The following ATXN10 variants were observed in gnomAD, a reference collection of about 807,000 sequenced individuals.
ATXN10 encodes the protein ataxin 10, also known as ataxin-10.
Under a neutral mutation model 52.9 loss-of-function variants are expected in ATXN10, and 28 were observed. The observed-to-expected ratio is 0.53, with a 90% CI of 0.39 to 0.73. ATXN10 has a LOEUF of 0.73. Ranked by LOEUF, ATXN10 falls within the 30% of genes least tolerant of loss-of-function variation. The pLI, the probability that ATXN10 is intolerant of heterozygous loss-of-function variation, is 0.00. For missense variants in ATXN10, 565 were observed against 577.0 expected, an observed-to-expected ratio of 0.98 and a Z score of 0.21; for synonymous variants, 226 against 221.5, an observed-to-expected ratio of 1.02 and a Z score of -0.18.
intron 7 of ATXN10, chr22:45,738,502 A>G (rs959208349): frequency 4.0e-6 from 2 of 503,440 alleles, no homozygotes; most frequent in African/African-American, 1.9e-5. Flanking sequence ...ATAATGACAC[A>G]TAATCTTGCA....
rs1219365263 is a variant in ATXN10 at position 45,824,832 on chromosome 22, A to G, written c.1237+17810A>G. ...TAAAGACCTTGTAACAACAACAGTA[A>G]TAACAGATTTGTGTGGGAGAGGGTT... On this transcript the variant is annotated intron_variant, in intron 10 of 11. Coordinates refer to ENST00000252934, the MANE Select transcript of ATXN10 (RefSeq NM_013236.4). This position sits in a 1 kb window ranked among gnomAD's most constrained non-coding sequence, Gnocchi z 5.2. 6.6e-6 allele frequency among the ~76,000 whole-genome samples: 1 copy of G among 152,230 alleles called. No homozygotes were observed. Among genetic ancestry groups the G allele is most frequent in the East Asian group, 1.9e-4 (1 of 5,204 alleles).
intron 10 of ATXN10, among the ~76,000 whole-genome samples, chr22:45,831,964 C>T (rs1416998201): frequency 6.6e-6 from 1 of 152,220 alleles, no homozygotes; most frequent in African/African-American, 2.4e-5. Context: ...CTGTACCCAC[C>T]ACCTGTCCAA....
In ATXN10 at chr22:45,786,974, C is replaced by T. The variant is rs1480624285; in HGVS notation, c.1174-19985C>T. Among the ~76,000 whole-genome samples, 2 of 152,114 alleles carry T rather than the reference C, an allele frequency of 1.3e-5. No homozygotes were observed. Among genetic ancestry groups the T allele is most frequent in the Non-Finnish European group, 2.9e-5 (2 of 68,034 alleles). On this transcript the variant is annotated intron_variant, in intron 9 of 11. Coordinates refer to ENST00000252934, the MANE Select transcript of ATXN10 (RefSeq NM_013236.4). The surrounding 1 kb of genome is among the most constrained non-coding windows in gnomAD (Gnocchi z 4.1). ...AAAAAAAATTGTCTATATGGATGCT[C>T]ATTGCATTGTTGGTGAAAATTTAGT... is the stretch of plus-strand genomic sequence containing the variant.
At position 45,826,186 on chromosome 22, in the gene ATXN10, C is replaced by T. The variant is rs761143834; in HGVS notation, c.1238-16805C>T. Among the ~76,000 whole-genome samples, 24 of 152,166 alleles carry T rather than the reference C, an allele frequency of 1.6e-4. No individual in the cohort carries two copies. Among genetic ancestry groups the T allele is most frequent in the Non-Finnish European group, 2.9e-4 (20 of 68,024 alleles). On this transcript the variant is annotated intron_variant, in intron 10 of 11. Transcript: ENST00000252934. This position sits in a 1 kb window ranked among gnomAD's most constrained non-coding sequence, Gnocchi z 5.0. Reference sequence around the variant, plus strand: ...AAGTACAATACCTGAAATAAATTTACTAGAAGGATTCGAAGACAGATTTGA... The same window carrying T: ...AAGTACAATACCTGAAATAAATTTATTAGAAGGATTCGAAGACAGATTTGA...
rs73889607 is a variant in ATXN10 at position 45,757,759 on chromosome 22, T to C, written c.1173+17221T>C. 9.0e-3 allele frequency among the ~76,000 whole-genome samples: 1,370 copies of C among 152,342 alleles called. 31 individuals are homozygous for C. Among genetic ancestry groups the C allele is most frequent in the African/African-American group, 0.032 (1,312 of 41,574 alleles). On this transcript the variant is annotated intron_variant, in intron 9 of 11. Transcript: ENST00000252934. This position sits in a 1 kb window ranked among gnomAD's most constrained non-coding sequence, Gnocchi z 4.6. ...TTTATTAAAAATGTGATTAGAGTTA[T>C]ATTCATTCATGTTTGATTCTCTTTT...
intron 5 of ATXN10, among the ~76,000 whole-genome samples, chr22:45,710,127 A>G (rs1433800172): frequency 6.6e-6 from 1 of 152,228 alleles, no homozygotes; most frequent in Non-Finnish European, 1.5e-5. Flanking sequence ...CCTTGCTTAA[A>G]TAAACCATTC....
intron 9 of ATXN10, among the ~76,000 whole-genome samples, chr22:45,798,423 G>C (rs932903515): frequency 2.6e-5 from 4 of 152,088 alleles, no homozygotes; most frequent in African/African-American, 9.7e-5. Flanking sequence ...ATAAGAGGGA[G>C]GAAACAATAT....
rs1343086579 is a variant in ATXN10 at position 45,841,098 on chromosome 22, G to T, written c.1238-1893G>T. 3.3e-5 allele frequency among the ~76,000 whole-genome samples: 5 copies of T among 152,194 alleles called. No individual in the cohort carries two copies. Among genetic ancestry groups the T allele is most frequent in the Non-Finnish European group, 7.3e-5 (5 of 68,034 alleles). On this transcript the variant is annotated intron_variant, in intron 10 of 11. Coordinates refer to ENST00000252934, the MANE Select transcript of ATXN10 (RefSeq NM_013236.4). This position sits in a 1 kb window ranked among gnomAD's most constrained non-coding sequence, Gnocchi z 5.1. The stretch of plus-strand genomic sequence containing the variant: ...TTCTCTATACTGGCACAAAGTGGGG[G>T]TTCAGTGATCATGGAAAAGAGGCGG...
chr22:45,792,376 A>T (rs1927544030), intron 9 of ATXN10: 1 of 152,406 alleles, frequency 6.6e-6, no homozygotes, highest in African/African-American at 2.4e-5. Flanking sequence ...AACTGGTCTT[A>T]CCAAAAAGTT....
intron 3 of ATXN10, among the ~76,000 whole-genome samples, chr22:45,699,672 A>G (rs1569027775): frequency 6.6e-6 from 1 of 151,146 alleles, no homozygotes; most frequent in Non-Finnish European, 1.5e-5. Context: ...TTGTGTTTTC[A>G]GTAGTGACGG....
Position 45,787,884 on chromosome 22 carries a change from C to T in ATXN10, c.1174-19075C>T, listed in dbSNP as rs895430399. Among the ~76,000 whole-genome samples, 3 of 152,116 alleles carry T rather than the reference C, an allele frequency of 2.0e-5. No individual in the cohort carries two copies. The highest frequency in any genetic ancestry group is 7.2e-5 in the African/African-American group (3 of 41,430). On this transcript the variant is annotated intron_variant, in intron 9 of 11. Transcript: ENST00000252934. This position sits in a 1 kb window ranked among gnomAD's most constrained non-coding sequence, Gnocchi z 4.2. ...GTTACTGATGATCTTTTTCCAGGAA[C>T]AAAAATATTCATATCATTTACAAAT...
chr22:45,806,046 G>A (rs764304121), intron 9 of ATXN10, among the ~76,000 whole-genome samples: 2 of 152,178 alleles, frequency 1.3e-5, no homozygotes, highest in Non-Finnish European at 2.9e-5. Context: ...GAATAACCTT[G>A]TGTCACACAT....
chr22:45,810,971 A>T (rs918909251), intron 10 of ATXN10, among the ~76,000 whole-genome samples: 6 of 152,178 alleles, frequency 3.9e-5, no homozygotes, highest in Admixed American at 2.6e-4. Context: ...GAGCATGAAA[A>T]GCATGTCTGT....
Position 45,754,091 on chromosome 22 carries a change from G to A in ATXN10, c.1173+13553G>A, listed in dbSNP as rs145591356. Among the ~76,000 whole-genome samples, 15 of 151,820 alleles carry A rather than the reference G, an allele frequency of 9.9e-5. No homozygotes were observed. In the East Asian group the frequency reaches 1.4e-3, roughly 14 times the overall value. ...TGCTCACACTGCCCAGTGGCAGGAC[G>A]CAACCTGGGTTCCTGAGCCTTATGG... On this transcript the variant is annotated intron_variant, in intron 9 of 11. Coordinates refer to ENST00000252934, the MANE Select transcript of ATXN10 (RefSeq NM_013236.4). This position sits in a 1 kb window ranked among gnomAD's most constrained non-coding sequence, Gnocchi z 5.4.
rs186791731 is a variant in ATXN10 at position 45,688,503 on chromosome 22, C to T, written c.117-1209C>T. Reference sequence around the variant, plus strand: ...GAAAACATAATAAATAATGTGAGTTCTATTGTCTGTTCGTAAGATAAAAAC... The same window carrying T: ...GAAAACATAATAAATAATGTGAGTTTTATTGTCTGTTCGTAAGATAAAAAC... On this transcript the variant is annotated intron_variant, in intron 1 of 11. Coordinates refer to ENST00000252934, the MANE Select transcript of ATXN10 (RefSeq NM_013236.4). This position sits in a 1 kb window ranked among gnomAD's most constrained non-coding sequence, Gnocchi z 4.0. Among the ~76,000 whole-genome samples, 193 of 152,262 alleles carry T rather than the reference C, an allele frequency of 1.3e-3. 1 individual carries two copies. The highest frequency in any genetic ancestry group is 4.5e-3 in the African/African-American group (188 of 41,564).
At chr22:45,827,348 G>A (rs1442484681) in intron 10 of ATXN10, among the ~76,000 whole-genome samples, 2 of 152,278 alleles carry the variant, frequency 1.3e-5, no homozygotes, top group Non-Finnish European at 1.5e-5. Flanking sequence ...ATCAAGCTGT[G>A]TAATCAAAAG....
chr22:45,741,144 G>A (rs975881375), intron 9 of ATXN10, among the ~76,000 whole-genome samples: 1 of 152,088 alleles, frequency 6.6e-6, no homozygotes, highest in Non-Finnish European at 1.5e-5. Flanking sequence ...ACTTCGGGTG[G>A]CATTTGATTT....
chr22:45,823,465 T>G lies in ATXN10; in HGVS notation c.1237+16443T>G, dbSNP rs75564984. ...TTTCCCCTGCGATTATGCAGTTGTT[T>G]CCGTTTCAGTATTTAAAAACCTTCA... On this transcript the variant is annotated intron_variant, in intron 10 of 11. Coordinates refer to ENST00000252934, the MANE Select transcript of ATXN10 (RefSeq NM_013236.4). The surrounding 1 kb of genome is among the most constrained non-coding windows in gnomAD (Gnocchi z 4.9). Among the ~76,000 whole-genome samples, 6,984 of 152,244 alleles carry G rather than the reference T, an allele frequency of 0.046. 183 individuals carry two copies. The highest frequency in any genetic ancestry group is 0.06 in the Non-Finnish European group (4,093 of 68,010).
Position 45,701,602 on chromosome 22 carries a change from A to G in ATXN10, c.489-1087A>G, listed in dbSNP as rs1186320238. On this transcript the variant is annotated intron_variant, in intron 4 of 11. Transcript: ENST00000252934. This position sits in a 1 kb window ranked among gnomAD's most constrained non-coding sequence, Gnocchi z 4.2. The stretch of plus-strand genomic sequence containing the variant: ...CGAAATTCAAGCTACAGAAATAGGC[A>G]TTGCTTATTTTTGAGAATTCATTCC... Among the ~76,000 whole-genome samples the G allele has an allele frequency of 3.3e-5, 5 of 152,216 alleles. No homozygotes were observed. The highest frequency in any genetic ancestry group is 2.4e-5 in the African/African-American group (1 of 41,450).
Sources: allele counts gnomAD v4.1 joint callset (sites outside exome capture counted in the v4.1 genomes callset), GRCh38; gene constraint gnomAD v4.1.1; non-coding constraint Gnocchi (gnomAD v3.1); transcripts MANE v1.5; gene names NCBI Gene and HGNC (gene_info 2026-07-23, HGNC 2026-07-21).